Variants in C1orf52 observed in about 807,000 individuals in gnomAD.
C1orf52 encodes chromosome 1 open reading frame 52, also known as UPF0690 protein C1orf52.
In C1orf52, 5 loss-of-function variants were observed where a neutral mutation model predicts 17.2. That is an observed-to-expected ratio of 0.29 (90% confidence interval 0.15 to 0.61). The LOEUF is 0.61. Ranked by LOEUF, C1orf52 falls within the 20% of genes least tolerant of loss-of-function variation. C1orf52 has a pLI of 0.85. For synonymous variants in C1orf52, 110 were observed against 88.0 expected (o/e 1.25, Z -1.40); for missense variants, 245 against 234.1 (o/e 1.05, Z -0.30).
Position 85,259,556 on chromosome 1 carries a change from C to G in C1orf52, c.78G>C (p.Glu26Asp). The change falls in exon 1 of 3, where the codon GAG becomes GAC. Residue 26 changes from glutamate (E) to aspartate (D), a missense_variant. By Grantham distance (45) the Glu-to-Asp change is conservative. Transcript: ENST00000471115. The part of the protein sequence containing the change: ...GSSSSGSSDE[E>D]DNIEPEETSR... Reference sequence around the variant, plus strand: ...TCGTCTCCTCCGGCTCGATGTTATCCTCCTCGTCCGAGGAGCCTGAGCTGC... The same window carrying G: ...TCGTCTCCTCCGGCTCGATGTTATCGTCCTCGTCCGAGGAGCCTGAGCTGC... The G allele has an allele frequency of 6.2e-7, 1 of 1,613,330 alleles. No individual in the cohort carries two copies. Among genetic ancestry groups the G allele is most frequent in the Non-Finnish European group, 8.5e-7 (1 of 1,179,774 alleles).
chr1:85,253,043 TTTG>T (rs932159203), intron 2 of C1orf52, among the ~76,000 whole-genome samples: 8 of 152,276 alleles, frequency 5.3e-5, no homozygotes, highest in Non-Finnish European at 8.8e-5. Flanking sequence ...ACCTGCCTTA[TTTG>T]TTGTTGTTGT....
At position 85,259,379 on chromosome 1, in the gene C1orf52, G is replaced by T. The variant is rs1219593947; in HGVS notation, c.255C>A (p.His85Gln). 2 of 1,611,514 alleles carry T rather than the reference G, an allele frequency of 1.2e-6. No individual in the cohort carries two copies. The highest frequency in any genetic ancestry group is 1.7e-5 in the Admixed American group (1 of 59,960). Residue 85 changes from histidine to glutamine, a missense_variant, in exon 1 of 3, where the codon CAC (histidine) becomes CAA (glutamine). His to Gln is a conservative substitution (Grantham distance 24). Transcript: ENST00000471115. ...PLNKQIDWERHVVKAPEEPPK... is the reference protein window; with the variant it reads ...PLNKQIDWERQVVKAPEEPPK... Reference sequence around the variant, plus strand: ...TCACCTCCTCAGGCGCCTTGACGACGTGCCTCTCCCAGTCTATCTGTTTGT... The same window carrying T: ...TCACCTCCTCAGGCGCCTTGACGACTTGCCTCTCCCAGTCTATCTGTTTGT...
chr1:85,253,601 G>C (rs1478234600), intron 2 of C1orf52, among the ~76,000 whole-genome samples: 1 of 151,332 alleles, frequency 6.6e-6, no homozygotes, highest in Non-Finnish European at 1.5e-5. Flanking sequence ...TGGAGAATTT[G>C]GAGAGGGGAG....
intron 2 of C1orf52, among the ~76,000 whole-genome samples, chr1:85,255,210 A>T (rs1659903774): frequency 6.6e-6 from 1 of 152,202 alleles, no homozygotes. Flanking sequence ...ATGTCAATAA[A>T]GCTACAACTA....
chr1:85,257,568 A>C, intron 2 of C1orf52: 1 of 681,892 alleles, frequency 1.5e-6, no homozygotes, highest in South Asian at 1.6e-5. Context: ...TAAGCAGGCA[A>C]GTTATATAAT....
intron 2 of C1orf52, among the ~76,000 whole-genome samples, chr1:85,253,570 AT>A (rs1351016166): frequency 6.6e-6 from 1 of 152,168 alleles, no homozygotes; most frequent in African/African-American, 2.4e-5. Context: ...AGAAAAATAC[AT>A]ATCTTCCTAC....
At chr1:85,255,795 T>TACAGTGGGTTTATGA (rs1659922834) in intron 2 of C1orf52, among the ~76,000 whole-genome samples, 2 of 151,988 alleles carry the variant, frequency 1.3e-5, no homozygotes, top group African/African-American at 2.4e-5. Context: ...ATAATTGATT[T>TACAGTGGGTTTATGA]TATAGGAATC....
intron 1 of C1orf52, chr1:85,259,128 G>A (rs1660023635): frequency 7.9e-7 from 1 of 1,272,500 alleles, no homozygotes; most frequent in Non-Finnish European, 1.0e-6. Context: ...GGCACCGAGC[G>A]CGGAGGTTTG....
At chr1:85,259,250 G>T in intron 1 of C1orf52, 108 bp downstream of exon 1, 1 of 1,383,242 alleles carries the variant, frequency 7.2e-7, no homozygotes, top group African/African-American at 1.4e-5. Flanking sequence ...GGCATCCCGC[G>T]GGGGTGACTG....
chr1:85,253,339 G>C (rs1168852247), intron 2 of C1orf52, among the ~76,000 whole-genome samples: 1 of 152,118 alleles, frequency 6.6e-6, no homozygotes, highest in African/African-American at 2.4e-5. Context: ...GTGGCTATCA[G>C]CTGTCCTTTT....
intron 2 of C1orf52, among the ~76,000 whole-genome samples, chr1:85,253,981 A>C (rs1292952008): frequency 1.3e-5 from 2 of 152,258 alleles, no homozygotes; most frequent in Admixed American, 1.3e-4. Flanking sequence ...TCAACAGGTT[A>C]TCATGTGGAG....
In C1orf52 at chr1:85,259,503, G is replaced by C. The variant is rs574732703; in HGVS notation, c.131C>G (p.Ser44Trp). 2 of 1,613,896 alleles carry C rather than the reference G, an allele frequency of 1.2e-6. No individual in the cohort carries two copies. Among genetic ancestry groups the C allele is most frequent in the East Asian group, 4.5e-5 (2 of 44,866 alleles). The change falls in exon 1 of 3, where the codon TCG (serine) becomes TGG (tryptophan). Residue 44 changes from serine (S) to tryptophan (W), a missense_variant. Coordinates refer to ENST00000471115, the MANE Select transcript of C1orf52 (RefSeq NM_198077.4). ...CGCCTTGTTCCTACAGCCGCCCGCC[G>C]ACTTCGCCGGATCCGGGGTTCTGCG... ...TSRRTPDPAK[S>W]AGGCRNKAEK...
chr1:85,257,667 G>A (rs1455798585), intron 2 of C1orf52, among the ~76,000 whole-genome samples: 1 of 152,222 alleles, frequency 6.6e-6, no homozygotes, highest in African/African-American at 2.4e-5. Context: ...TACTGTGACA[G>A]TCCAAGTAAG....
Position 85,258,658 on chromosome 1 carries a change from T to C in C1orf52, c.341A>G (p.Glu114Gly), listed in dbSNP as rs888820971. 6.2e-7 allele frequency: 1 copy of C among 1,613,912 alleles called. No individual in the cohort carries two copies. ...YVPPPETYTT[E>G]KKPPPPELDM... ...AAGCTCTGGAGGCGGAGGCTTCTTCTCAGTGGTGTAGGTCTCAGGAGGTGG... is the reference window on the plus strand; with the variant it reads ...AAGCTCTGGAGGCGGAGGCTTCTTCCCAGTGGTGTAGGTCTCAGGAGGTGG... The change falls in exon 2 of 3, where the codon GAG (glutamate) becomes GGG (glycine). Residue 114 changes from glutamate to glycine, a missense_variant. Transcript: ENST00000471115.
intron 2 of C1orf52, among the ~76,000 whole-genome samples, chr1:85,256,105 C>T (rs1570318824): frequency 6.6e-6 from 1 of 152,150 alleles, no homozygotes; most frequent in South Asian, 2.1e-4. Context: ...TACTGCCATT[C>T]GCCCTACAGA....
At chr1:85,259,219 T>A in intron 1 of C1orf52, 139 bp downstream of exon 1, 1 of 1,058,300 alleles carries the variant, frequency 9.4e-7, no homozygotes, top group South Asian at 1.6e-5. Context: ...TCCCAGGGCT[T>A]GAGGTGGGAG....
In C1orf52 at chr1:85,258,648, A is replaced by G. The variant is rs1660009416; in HGVS notation, c.351T>C (p.Pro117=). The G allele has an allele frequency of 6.2e-7, 1 of 1,613,806 alleles. No homozygotes were observed. The highest frequency in any genetic ancestry group is 1.7e-5 in the Admixed American group (1 of 59,994). Reference sequence around the variant, plus strand: ...TTGCCATGTCAAGCTCTGGAGGCGGAGGCTTCTTCTCAGTGGTGTAGGTCT... The same window carrying G: ...TTGCCATGTCAAGCTCTGGAGGCGGGGGCTTCTTCTCAGTGGTGTAGGTCT... ...PPETYTTEKK[P]PPPELDMAIK... is the part of the protein sequence containing the mutation. Residue 117 remains proline (P), a synonymous_variant, in exon 2 of 3, where the codon CCT becomes CCC. Coordinates refer to ENST00000471115, the MANE Select transcript of C1orf52 (RefSeq NM_198077.4).
At chr1:85,259,075 G>C in intron 1 of C1orf52, 2 of 1,349,344 alleles carry the variant, frequency 1.5e-6, no homozygotes, top group Non-Finnish European at 1.9e-6. Flanking sequence ...CAGCGGGGGG[G>C]GCGGGGGAGT....
In C1orf52 at chr1:85,251,500, T is replaced by G. The variant is rs908894139; in HGVS notation, c.*1129A>C. 6.6e-6 allele frequency: 1 copy of G among 152,222 alleles called. No homozygotes were observed. Among genetic ancestry groups the G allele is most frequent in the Non-Finnish European group, 1.5e-5 (1 of 68,042 alleles). The allele number at this position is 152,222 out of a possible 1,614,324, so 9.4% of individuals were successfully genotyped here. On this transcript the variant is annotated 3_prime_UTR_variant, in exon 3 of 3. Coordinates refer to ENST00000471115, the MANE Select transcript of C1orf52 (RefSeq NM_198077.4). ...ATTTTGGAACTCAACGATCACACCT[T>G]CCCAACTACTTCTTGTTCATTTTAT...
Sources: allele counts gnomAD v4.1 joint callset (sites outside exome capture counted in the v4.1 genomes callset), GRCh38; gene constraint gnomAD v4.1.1; transcripts MANE v1.5; gene names NCBI Gene and HGNC (gene_info 2026-07-23, HGNC 2026-07-21).